The following RYR3 variants were observed in gnomAD, a reference collection of about 807,000 sequenced individuals.
RYR3 encodes the protein brain ryanodine receptor-calcium release channel.
In RYR3, 207 loss-of-function variants were observed where a neutral mutation model predicts 584.3. The observed-to-expected ratio is 0.35, with a 90% CI of 0.32 to 0.40. The LOEUF is 0.40. Ranked by LOEUF, RYR3 falls within the 10% of genes least tolerant of loss-of-function variation. The pLI, the probability that RYR3 is intolerant of heterozygous loss-of-function variation, is 1.00. For synonymous variants in RYR3, 2,416 were observed against 2,248.5 expected, an observed-to-expected ratio of 1.07 and a Z score of -2.11; for missense variants, 5,616 against 6,089.2, an observed-to-expected ratio of 0.92 and a Z score of 2.59.
intron 57 of RYR3, among the ~76,000 whole-genome samples, chr15:33,753,964 G>A (rs2071570141): frequency 6.6e-6 from 1 of 152,114 alleles, no homozygotes; most frequent in Admixed American, 6.5e-5. Flanking sequence ...GGTTAAGATG[G>A]TGAAACCCAT....
At chr15:33,674,408 C>T (rs968097738) in intron 38 of RYR3, among the ~76,000 whole-genome samples, 1 of 152,206 alleles carries the variant, frequency 6.6e-6, no homozygotes, top group East Asian at 1.9e-4. Context: ...CCCTCTACCC[C>T]TTCCATATTG....
chr15:33,844,086 A>C (rs1023963014), intron 92 of RYR3, among the ~76,000 whole-genome samples: 1 of 152,244 alleles, frequency 6.6e-6, no homozygotes, highest in African/African-American at 2.4e-5. Context: ...CAGTGAATTA[A>C]TGAAGGGTCC....
At chr15:33,427,080 G>C (rs1187978592) in intron 1 of RYR3, among the ~76,000 whole-genome samples, 1 of 152,184 alleles carries the variant, frequency 6.6e-6, no homozygotes, top group African/African-American at 2.4e-5. Context: ...CAAACGTTTA[G>C]TTCATAACAG....
At chr15:33,773,347 A>T (rs2073749925) in intron 63 of RYR3, among the ~76,000 whole-genome samples, 187 bp from the exon 64 acceptor site, 1 of 150,576 alleles carries the variant, frequency 6.6e-6, no homozygotes, top group Admixed American at 6.6e-5. Context: ...TTTTTCCTAT[A>T]TTTTTTTTTT....
Position 33,768,680 on chromosome 15 carries a change from C to G in RYR3, c.8728C>G (p.Leu2910Val). Residue 2910 changes from leucine to valine, a missense_variant, in exon 61 of 104, where the codon CTC becomes GTC. This residue lies in a region of RYR3 where 1,280 missense variants were observed against 1,426.2 expected (regional missense o/e 0.90). Coordinates refer to ENST00000634891, the MANE Select transcript of RYR3 (RefSeq NM_001036.6). The part of the protein sequence containing the change: ...VAGLFCKLAA[L>V]VRHRISLFGS... ...CAGCCTGTTCTGCAAACTTGCCGCT[C>G]TCGTTAGACACAGAATTTCCCTCTT... is the stretch of plus-strand genomic sequence containing the variant. The G allele has an allele frequency of 6.2e-7, 1 of 1,613,982 alleles. No individual in the cohort carries two copies.
At chr15:33,672,212 A>G (rs900076952) in intron 38 of RYR3, among the ~76,000 whole-genome samples, 2 of 152,082 alleles carry the variant, frequency 1.3e-5, no homozygotes, top group Non-Finnish European at 2.9e-5. Context: ...AGTCAGTCAG[A>G]TGAAGTCACT....
At chr15:33,833,109 GAA>G (rs771490335) in intron 86 of RYR3, among the ~76,000 whole-genome samples, 10 of 152,106 alleles carry the variant, frequency 6.6e-5, no homozygotes, top group Non-Finnish European at 1.5e-4. Context: ...GTGATTTGGA[GAA>G]GTTAGAGATA....
chr15:33,311,187 C>A lies in RYR3; in HGVS notation c.51+91C>A. The A allele has an allele frequency of 1.0e-6, 1 of 998,052 alleles. No homozygotes were observed. Among genetic ancestry groups the A allele is most frequent in the Non-Finnish European group, 1.4e-6 (1 of 740,080 alleles). The allele number at this position is 998,052 out of a possible 1,614,324, so 61.8% of individuals were successfully genotyped here. On this transcript the variant is annotated intron_variant, in intron 1 of 103. Coordinates refer to ENST00000634891, the MANE Select transcript of RYR3 (RefSeq NM_001036.6). The surrounding 1 kb of genome is among the most constrained non-coding windows in gnomAD (Gnocchi z 4.4). The stretch of plus-strand genomic sequence containing the variant: ...GGGCTGGCTGCGCTGCGCCGCGGTG[C>A]CGGGTGCCCGGTGCCGGGCGCTTTC...
chr15:33,652,167 G>A (rs1403236202), intron 31 of RYR3, among the ~76,000 whole-genome samples: 2 of 152,144 alleles, frequency 1.3e-5, no homozygotes. Flanking sequence ...AAGGACAGGG[G>A]CTCATAAGTC....
Position 33,696,495 on chromosome 15 carries a change from G to C in RYR3, c.6134+4G>C, listed in dbSNP as rs376364369. The C allele has an allele frequency of 2.5e-6, 4 of 1,613,698 alleles. No individual in the cohort carries two copies. In the African/African-American group the frequency reaches 5.3e-5, roughly 22 times the overall value. ...TGCTCATGATCAATGGGCTGGGGTA[G>C]GTGATTCACGGTTACGTGCTGTTCT... On this transcript the variant is annotated splice_donor_region_variant and intron_variant, in intron 39 of 103. Transcript: ENST00000634891.
chr15:33,448,147 C>G (rs1383727022), intron 1 of RYR3, among the ~76,000 whole-genome samples: 1 of 152,196 alleles, frequency 6.6e-6, no homozygotes, highest in Non-Finnish European at 1.5e-5. Flanking sequence ...TGTCTTGGTT[C>G]CAGTGACTTG....
intron 8 of RYR3, among the ~76,000 whole-genome samples, chr15:33,546,410 G>T (rs1464904774): frequency 6.6e-6 from 1 of 152,174 alleles, no homozygotes; most frequent in Non-Finnish European, 1.5e-5. Flanking sequence ...CACCTGGGGT[G>T]TAGGAACTCT....
chr15:33,318,210 A>G lies in RYR3; in HGVS notation c.51+7114A>G, dbSNP rs900651741. On this transcript the variant is annotated intron_variant, in intron 1 of 103. Transcript: ENST00000634891. ...CATCAACAGTTTTTCTACTGAGTTG[A>G]GTTTGTAAGTGGTTTTATGCTATAG... Among the ~76,000 whole-genome samples, 84 of 152,088 alleles carry G rather than the reference A, an allele frequency of 5.5e-4. 4 individuals are homozygous for G. The highest frequency in any genetic ancestry group is 3.7e-4 in the Non-Finnish European group (25 of 68,028).
chr15:33,605,138 GA>G (rs1327782680), intron 18 of RYR3, among the ~76,000 whole-genome samples: 3 of 152,068 alleles, frequency 2.0e-5, no homozygotes, highest in Non-Finnish European at 4.4e-5. Flanking sequence ...ATTCTCAAAG[GA>G]AAAAAATTTA....
chr15:33,662,337 C>T lies in RYR3; in HGVS notation c.4807C>T (p.Arg1603Ter), dbSNP rs560814484. The T allele has an allele frequency of 1.2e-6, 2 of 1,612,182 alleles. No homozygotes were observed. Among genetic ancestry groups the T allele is most frequent in the African/African-American group, 1.3e-5 (1 of 74,916 alleles). Residue 1603 changes from arginine to a stop codon, truncating the protein, a stop_gained, in exon 35 of 104, where the codon CGA becomes TGA. Transcript: ENST00000634891. LOFTEE classifies it high-confidence loss of function. ...CAACAAGTACCTCCCCGGCCTCCTT[C>T]GATCTGGTTTCTATGACCTGCTCAT... is the stretch of plus-strand genomic sequence containing the variant. ...IDNKYLPGLL[R>*]SGFYDLLISI...
chr15:33,609,385 G>A (rs1432822936), intron 18 of RYR3, among the ~76,000 whole-genome samples: 3 of 152,180 alleles, frequency 2.0e-5, no homozygotes, highest in Non-Finnish European at 4.4e-5. Flanking sequence ...CCTAGCCAAC[G>A]AGGTGAAAAC....
chr15:33,739,231 A>C (rs2069819192), intron 50 of RYR3, among the ~76,000 whole-genome samples: 1 of 152,236 alleles, frequency 6.6e-6, no homozygotes, highest in Non-Finnish European at 1.5e-5. Flanking sequence ...AGAAATCTAG[A>C]ACATGCACAT....
intron 99 of RYR3, 63 bp downstream of exon 99, chr15:33,857,977 C>CACTGGGAAGAAGGGCTGTGT: frequency 6.2e-7 from 1 of 1,600,434 alleles, no homozygotes; most frequent in African/African-American, 1.3e-5. Flanking sequence ...CCCACCACCT[C>CACTGGGAAGAAGGGCTGTGT]ACTGGGAAGA....
At chr15:33,856,346 G>C (rs962634658) in intron 98 of RYR3, 2 of 152,270 alleles carry the variant, frequency 1.3e-5, no homozygotes, top group African/African-American at 4.8e-5. Flanking sequence ...TGAAGGCAAA[G>C]CTCTGATCCT....
Sources: gnomAD v4.1 joint callset for allele counts (sites outside exome capture counted in the v4.1 genomes callset) on GRCh38, gnomAD v4.1.1 for gene constraint, gnomAD v4.1.1 regional missense constraint, Gnocchi (gnomAD v3.1) non-coding constraint, MANE v1.5 for transcripts, NCBI Gene and HGNC (gene_info 2026-07-23, HGNC 2026-07-21) for gene names.